The following SEPTIN7 variants were observed in gnomAD, a reference collection of about 807,000 sequenced individuals.
SEPTIN7 encodes the protein septin 7.
SEPTIN7 carries 10 observed loss-of-function variants against 63.3 expected under a neutral mutation model. The ratio of observed to expected loss-of-function variants is 0.16; its 90% CI spans 0.10 to 0.27. The LOEUF is 0.27. Among genes scored for constraint, SEPTIN7 ranks in the 10% least tolerant of loss-of-function variants. The pLI, the probability that SEPTIN7 is intolerant of heterozygous loss-of-function variation, is 1.00. For synonymous variants in SEPTIN7, 131 were observed against 165.3 expected, an observed-to-expected ratio of 0.79 and a Z score of 1.59; for missense variants, 310 against 521.0, an observed-to-expected ratio of 0.59 and a Z score of 3.94.
intron 4 of SEPTIN7, among the ~76,000 whole-genome samples, chr7:35,866,960 T>G (rs1785843713): frequency 1.3e-5 from 2 of 152,292 alleles, no homozygotes; most frequent in South Asian, 4.1e-4. Flanking sequence ...CCCAACTAAT[T>G]TGTATTTCTA....
chr7:35,915,064 G>T, the SEPTIN7 span, among the ~76,000 whole-genome samples: 2 of 149,540 alleles, frequency 1.3e-5, no homozygotes, highest in African/African-American at 5.0e-5. Flanking sequence ...TATATACACA[G>T]ATGCATGCAT....
chr7:35,897,737 G>T (rs1201721071), intron 11 of SEPTIN7, among the ~76,000 whole-genome samples: 1 of 152,086 alleles, frequency 6.6e-6, no homozygotes, highest in Non-Finnish European at 1.5e-5. Context: ...CCTAAATAGT[G>T]CTCTAGGTAT....
intron 3 of SEPTIN7, among the ~76,000 whole-genome samples, chr7:35,849,923 CT>C (rs2116047783): frequency 6.6e-6 from 1 of 152,340 alleles, no homozygotes; most frequent in East Asian, 1.9e-4. Context: ...TATTAGGATC[CT>C]TTCCTGTGGG....
intron 9 of SEPTIN7, among the ~76,000 whole-genome samples, chr7:35,885,226 A>G (rs557719713): frequency 6.6e-6 from 1 of 152,048 alleles, no homozygotes; most frequent in African/African-American, 2.4e-5. Flanking sequence ...CCCATCAGTG[A>G]CCTGTGTACC....
downstream of SEPTIN7, among the ~76,000 whole-genome samples, chr7:35,907,943 G>A (rs142558148): frequency 1.3e-5 from 2 of 152,278 alleles, no homozygotes; most frequent in African/African-American, 4.8e-5. Flanking sequence ...CAATCTGCTG[G>A]GGTCATGACA....
intron 8 of SEPTIN7, among the ~76,000 whole-genome samples, chr7:35,883,614 G>A (rs934405144): frequency 6.7e-6 from 1 of 148,984 alleles, no homozygotes; most frequent in East Asian, 2.0e-4. Flanking sequence ...ACAACTTTCT[G>A]TAGTGATTTT....
At chr7:35,843,402 G>C (rs1001132563) in intron 3 of SEPTIN7, among the ~76,000 whole-genome samples, 1 of 152,068 alleles carries the variant, frequency 6.6e-6, no homozygotes, top group African/African-American at 2.4e-5. Context: ...CCTGTTCTGG[G>C]CCACTGTGGA....
At chr7:35,840,738 A>G (rs1294147040) in intron 3 of SEPTIN7, among the ~76,000 whole-genome samples, 1 of 152,114 alleles carries the variant, frequency 6.6e-6, no homozygotes. Context: ...GAGGGATTTT[A>G]AAGGTACATG....
chr7:35,811,131 A>C, intron 1 of SEPTIN7, among the ~76,000 whole-genome samples: 1 of 152,134 alleles, frequency 6.6e-6, no homozygotes, highest in Non-Finnish European at 1.5e-5. Context: ...GAATACAGTA[A>C]ATATTTTGAA....
At chr7:35,890,121 GA>G (rs1787544317) in intron 10 of SEPTIN7, among the ~76,000 whole-genome samples, 1 of 152,118 alleles carries the variant, frequency 6.6e-6, no homozygotes, top group Non-Finnish European at 1.5e-5. Flanking sequence ...ATATATGATA[GA>G]AATGCTGTAA....
At chr7:35,829,502 C>T (rs144708018) in intron 1 of SEPTIN7, among the ~76,000 whole-genome samples, 2 of 152,078 alleles carry the variant, frequency 1.3e-5, no homozygotes, top group Non-Finnish European at 2.9e-5. Flanking sequence ...TACTGTGTGC[C>T]AAAGACTGTT....
chr7:35,814,962 G>T (rs1359631006), intron 1 of SEPTIN7, among the ~76,000 whole-genome samples: 2 of 120,518 alleles, frequency 1.7e-5, no homozygotes, highest in African/African-American at 6.5e-5. Context: ...GCGACAGAGC[G>T]AGACTCCTTC....
At chr7:35,854,766 C>A (rs1346605471) in intron 3 of SEPTIN7, among the ~76,000 whole-genome samples, 1 of 152,010 alleles carries the variant, frequency 6.6e-6, no homozygotes, top group Non-Finnish European at 1.5e-5. Context: ...ATATTATCAA[C>A]CCCTTTAAAT....
chr7:35,867,345 T>G (rs1271035135), intron 4 of SEPTIN7, among the ~76,000 whole-genome samples: 2 of 152,072 alleles, frequency 1.3e-5, no homozygotes, highest in South Asian at 2.1e-4. Flanking sequence ...ATTTGAAAAT[T>G]TTTATATTTA....
chr7:35,913,545 T>G, the SEPTIN7 span, among the ~76,000 whole-genome samples: 2 of 148,090 alleles, frequency 1.4e-5, no homozygotes, highest in Admixed American at 6.8e-5. Context: ...CCTTCCTTCT[T>G]TCCTTCCTTC....
chr7:35,841,222 C>T lies in SEPTIN7; in HGVS notation c.169+8322C>T, dbSNP rs556637599. On this transcript the variant is annotated intron_variant, in intron 3 of 13. Coordinates refer to ENST00000350320, the MANE Select transcript of SEPTIN7 (RefSeq NM_001788.6). ...GGCGACAGAGTGAGTGAGATTCTGT[C>T]TCAAACGTAAAAAAAAAAATGTGGT... Among the ~76,000 whole-genome samples, 3 of 151,722 alleles carry T rather than the reference C, an allele frequency of 2.0e-5. No individual in the cohort carries two copies. The South Asian group carries it at 6.3e-4, about 32-fold the overall frequency.
chr7:35,899,351 A>G (rs1304044926), intron 12 of SEPTIN7: 1 of 152,144 alleles, frequency 6.6e-6, no homozygotes, highest in African/African-American at 2.4e-5. Context: ...CCTGGCCAAC[A>G]TGGTGAAACC....
At chr7:35,877,245 C>G (rs899646615) in intron 6 of SEPTIN7, among the ~76,000 whole-genome samples, 1 of 152,142 alleles carries the variant, frequency 6.6e-6, no homozygotes. Context: ...CTCTGAATGC[C>G]AGTGTCAATT....
chr7:35,801,125 G>C lies in SEPTIN7; in HGVS notation c.-85G>C, dbSNP rs1370669573. 1.0e-5 allele frequency: 12 copies of C among 1,164,254 alleles called. No homozygotes were observed. Among genetic ancestry groups the C allele is most frequent in the Non-Finnish European group, 1.4e-5 (12 of 855,758 alleles). 72.1% of individuals were successfully genotyped at this position (1,164,254 alleles called of 1,614,324 possible). The stretch of plus-strand genomic sequence containing the variant: ...CGTAAGCAAGGCAGCTACGCCGGGC[G>C]GCTACGCTGCGGAATCGGCGTAGGC... On this transcript the variant is annotated 5_prime_UTR_variant, in exon 1 of 14. Transcript: ENST00000350320.
Sources: allele counts gnomAD v4.1 joint callset (sites outside exome capture counted in the v4.1 genomes callset), GRCh38; gene constraint gnomAD v4.1.1; transcripts MANE v1.5; gene names NCBI Gene and HGNC (gene_info 2026-07-23, HGNC 2026-07-21).